TNIK: variants seen among roughly 807,000 people sequenced by gnomAD.
The protein encoded by TNIK is TRAF2 and NCK interacting kinase.
In TNIK, 49 loss-of-function variants were observed where a neutral mutation model predicts 191.3. That is an observed-to-expected ratio of 0.26 (90% CI 0.20 to 0.32). TNIK has a LOEUF of 0.32. Among genes scored for constraint, TNIK ranks in the 10% least tolerant of loss-of-function variants. The probability of loss-of-function intolerance (pLI) is 1.00; values close to 1 mark genes in which losing one functional copy is unlikely to be tolerated. For synonymous variants in TNIK, 594 were observed against 600.9 expected, an observed-to-expected ratio of 0.99 and a Z score of 0.17; for missense variants, 1,155 against 1,702.3, an observed-to-expected ratio of 0.68 and a Z score of 5.66.
intron 23 of TNIK, 110 bp downstream of exon 23, chr3:171,093,729 A>G: frequency 7.1e-7 from 1 of 1,414,042 alleles, no homozygotes. Context: ...CCCTCCCCCA[A>G]GAATTCCCCA....
intron 12 of TNIK, among the ~76,000 whole-genome samples, chr3:171,142,578 G>T (rs1204106011): frequency 6.6e-6 from 1 of 152,222 alleles, no homozygotes; most frequent in Non-Finnish European, 1.5e-5. Flanking sequence ...TGGACGATGG[G>T]ATAGAGAAGA....
At chr3:171,164,348 C>A (rs1268824700) in intron 10 of TNIK, among the ~76,000 whole-genome samples, 1 of 152,158 alleles carries the variant, frequency 6.6e-6, no homozygotes, top group Non-Finnish European at 1.5e-5. Flanking sequence ...TGAGTTCTCA[C>A]AAAGTACTCT....
At position 171,060,829 on chromosome 3, in the gene TNIK, C is replaced by T. The variant is rs1233804172; in HGVS notation, c.*3052G>A. Among the ~76,000 whole-genome samples, 1 of 152,130 alleles carries T rather than the reference C, an allele frequency of 6.6e-6. No individual in the cohort carries two copies. Among genetic ancestry groups the T allele is most frequent in the Non-Finnish European group, 1.5e-5 (1 of 68,022 alleles). ...TCACCTGCCAGACCCCAGACCCAGA[C>T]TATGGTGTGGGCAGGCTCAGTAGAT... On this transcript the variant is annotated 3_prime_UTR_variant, in exon 33 of 33. Coordinates refer to ENST00000436636, the MANE Select transcript of TNIK (RefSeq NM_015028.4).
At chr3:171,357,137 C>T (rs1324432395) in intron 2 of TNIK, among the ~76,000 whole-genome samples, 8 of 152,074 alleles carry the variant, frequency 5.3e-5, no homozygotes, top group Admixed American at 1.3e-4. Flanking sequence ...AGATGGTAGG[C>T]GGACACTGTT....
At chr3:171,335,743 C>G (rs1756895444) in intron 2 of TNIK, among the ~76,000 whole-genome samples, 1 of 152,172 alleles carries the variant, frequency 6.6e-6, no homozygotes, top group Non-Finnish European at 1.5e-5. Context: ...CAATACAGAT[C>G]TTGGTACTGG....
intron 2 of TNIK, among the ~76,000 whole-genome samples, chr3:171,230,760 T>C (rs1385261540): frequency 1.3e-5 from 2 of 152,170 alleles, no homozygotes; most frequent in African/African-American, 2.4e-5. Flanking sequence ...TGTCTATCAA[T>C]GAACATGTCC....
At chr3:171,157,314 T>G (rs186363424) in intron 12 of TNIK, 146 bp downstream of exon 12, 3 of 1,020,314 alleles carry the variant, frequency 2.9e-6, no homozygotes, top group African/African-American at 3.2e-5. Context: ...GTAAGAGCAT[T>G]CAGGACTTAT....
At chr3:171,271,926 A>T (rs529975003) in intron 2 of TNIK, among the ~76,000 whole-genome samples, 166 of 152,350 alleles carry the variant, frequency 1.1e-3, no homozygotes, top group African/African-American at 3.8e-3. Context: ...TGAACCCCTT[A>T]AAGAATTAAA....
chr3:171,238,006 G>T (rs935515216), intron 2 of TNIK, among the ~76,000 whole-genome samples: 8 of 152,080 alleles, frequency 5.3e-5, no homozygotes, highest in African/African-American at 1.9e-4. Flanking sequence ...GGTCCATATT[G>T]GTTAATAGCA....
chr3:171,421,946 G>T (rs1376641826), intron 1 of TNIK, among the ~76,000 whole-genome samples: 2 of 151,916 alleles, frequency 1.3e-5, no homozygotes, highest in Non-Finnish European at 2.9e-5. Context: ...TGGCCAGGCT[G>T]GTCTCAAACT....
intron 2 of TNIK, among the ~76,000 whole-genome samples, chr3:171,314,416 T>C (rs549767359): frequency 1.3e-4 from 20 of 152,276 alleles, no homozygotes; most frequent in Admixed American, 9.8e-4. Flanking sequence ...AGAAGATCCA[T>C]GTAGAGCCTA....
chr3:171,100,758 A>G (rs1458977793), intron 22 of TNIK, among the ~76,000 whole-genome samples: 2 of 151,810 alleles, frequency 1.3e-5, no homozygotes, highest in African/African-American at 4.8e-5. Context: ...AAAAAAAAAA[A>G]AAAAGAAAAA....
rs147702524 is a variant in TNIK, at chr3:171,178,012, A to G, written c.640-632T>C. 1.8e-3 allele frequency among the ~76,000 whole-genome samples: 276 copies of G among 152,282 alleles called. 2 individuals are homozygous for G. Among genetic ancestry groups the G allele is most frequent in the African/African-American group, 6.3e-3 (260 of 41,532 alleles). On this transcript the variant is annotated intron_variant, in intron 7 of 32. Transcript: ENST00000436636. ...ACGTAGAATAGTGTTTCTGAAGTCCACCCATGTTGTAGTACATATCAGTAT... is the reference window on the plus strand; with the variant it reads ...ACGTAGAATAGTGTTTCTGAAGTCCGCCCATGTTGTAGTACATATCAGTAT...
At chr3:171,274,351 C>A (rs1749464377) in intron 2 of TNIK, among the ~76,000 whole-genome samples, 1 of 152,146 alleles carries the variant, frequency 6.6e-6, no homozygotes, top group Non-Finnish European at 1.5e-5. Context: ...ATAAACTGAG[C>A]CACTCTCTCT....
chr3:171,334,420 G>A (rs768798813), intron 2 of TNIK, among the ~76,000 whole-genome samples: 3 of 152,162 alleles, frequency 2.0e-5, no homozygotes, highest in Non-Finnish European at 4.4e-5. Flanking sequence ...AGAGAGGGCA[G>A]CACAGAAAGC....
chr3:171,124,313 C>G (rs1198011211), intron 17 of TNIK, among the ~76,000 whole-genome samples: 1 of 152,076 alleles, frequency 6.6e-6, no homozygotes, highest in African/African-American at 2.4e-5. Context: ...GTGTCTTGGT[C>G]AATTAGTGAA....
intron 12 of TNIK, among the ~76,000 whole-genome samples, chr3:171,142,660 A>G (rs113403096): frequency 0.012 from 1,832 of 152,316 alleles, 19 homozygotes; most frequent in Admixed American, 0.02. Flanking sequence ...TGTTTTACAG[A>G]AAAATAATAC....
At position 171,084,242 on chromosome 3, in the gene TNIK, T is replaced by G; in HGVS notation, c.3082A>C (p.Thr1028Pro). ...GTGTCGCTATGAGGCCGAATGTTGG[T>G]TGGGTTTACATTTACCACCGAAATC... Reference protein sequence around the residue: ...RKISVVNVNPTNIRPHSDTPE... With the variant: ...RKISVVNVNPPNIRPHSDTPE... Residue 1028 changes from threonine to proline, a missense_variant, in exon 26 of 33, where the codon ACC becomes CCC. Transcript: ENST00000436636. The G allele has an allele frequency of 6.2e-7, 1 of 1,613,808 alleles. No homozygotes were observed. The highest frequency in any genetic ancestry group is 8.5e-7 in the Non-Finnish European group (1 of 1,179,812).
chr3:171,101,589 T>A lies in TNIK; in HGVS notation c.2451A>T (p.Glu817Asp). ...CCTTCTTCATTGGGCGGTTTGTTTC[T>A]TCAATCCGGAGTTCTCTTAGTTCTT... ...LAKELRELRI[E>D]ETNRPMKKVT... Residue 817 changes from glutamate (E) to aspartate (D), a missense_variant, in exon 22 of 33, where the codon GAA (glutamate) becomes GAT (aspartate). Coordinates refer to ENST00000436636, the MANE Select transcript of TNIK (RefSeq NM_015028.4). 1.2e-6 allele frequency: 2 copies of A among 1,613,410 alleles called. No homozygotes were observed. The highest frequency in any genetic ancestry group is 2.2e-5 in the South Asian group (2 of 91,046).
Sources: gnomAD v4.1 joint callset for allele counts (sites outside exome capture counted in the v4.1 genomes callset) on GRCh38, gnomAD v4.1.1 for gene constraint, MANE v1.5 for transcripts, NCBI Gene and HGNC (gene_info 2026-07-23, HGNC 2026-07-21) for gene names.